The following SPATS2 variants were observed in gnomAD, a reference collection of about 807,000 sequenced individuals.
The protein encoded by SPATS2 is spermatogenesis associated serine rich 2, also known as spermatogenesis-associated serine-rich protein 2.
A neutral mutation model predicts 63.7 loss-of-function variants in SPATS2; 38 were observed. The observed-to-expected ratio is 0.60, with a 90% CI of 0.46 to 0.78. The LOEUF is 0.78. Ranked by LOEUF, SPATS2 falls within the 30% of genes least tolerant of loss-of-function variation. The pLI, the probability that SPATS2 is intolerant of heterozygous loss-of-function variation, is 0.00. For synonymous variants in SPATS2, 207 were observed against 232.9 expected, an observed-to-expected ratio of 0.89 and a Z score of 1.01; for missense variants, 588 against 666.2, an observed-to-expected ratio of 0.88 and a Z score of 1.29.
chr12:49,488,084 G>A (rs1419543355), intron 4 of SPATS2, among the ~76,000 whole-genome samples: 1 of 150,024 alleles, frequency 6.7e-6, no homozygotes, highest in Admixed American at 6.6e-5. Flanking sequence ...CGCTCTTGCT[G>A]CCCAGGCTGC....
intron 3 of SPATS2, among the ~76,000 whole-genome samples, chr12:49,481,464 T>A (rs1191788765): frequency 7.0e-6 from 1 of 141,966 alleles, no homozygotes; most frequent in Non-Finnish European, 1.5e-5. Flanking sequence ...CCTCATTTTT[T>A]TTTTTTTTTT....
chr12:49,437,593 A>G (rs370368142), intron 2 of SPATS2, among the ~76,000 whole-genome samples: 21 of 151,386 alleles, frequency 1.4e-4, no homozygotes, highest in African/African-American at 3.7e-4. Context: ...TCGGGAGGCC[A>G]AGGCTGGCGG....
intron 1 of SPATS2, among the ~76,000 whole-genome samples, chr12:49,370,541 TTCTGGGA>T (rs1471903715): frequency 6.6e-6 from 1 of 152,228 alleles, no homozygotes; most frequent in Non-Finnish European, 1.5e-5. Flanking sequence ...ATCCCTTCTT[TTCTGGGA>T]TCTTCACTTT....
In SPATS2 at chr12:49,519,305, C is replaced by G. The variant is rs145658224; in HGVS notation, c.1008+123C>G. 7.4e-4 allele frequency: 526 copies of G among 712,066 alleles called. 2 individuals carry two copies. The African/African-American group carries it at 8.0e-3, about 11-fold the overall frequency. 44.1% of individuals were successfully genotyped at this position (712,066 alleles called of 1,614,324 possible). On this transcript the variant is annotated intron_variant, in intron 11 of 13. Coordinates refer to ENST00000552918, the MANE Select transcript of SPATS2 (RefSeq NM_023071.4). ...TGATCTTCCTTTCCCAAACCTGGCC[C>G]TCTTCCAAGTCCCTTTCTCTGTAAG...
At chr12:49,430,806 T>G (rs1171920993) in intron 2 of SPATS2, among the ~76,000 whole-genome samples, 1 of 152,062 alleles carries the variant, frequency 6.6e-6, no homozygotes, top group African/African-American at 2.4e-5. Context: ...GTTCAAGCAA[T>G]TCTCCTGCCT....
chr12:49,387,804 G>T (rs1204166076), intron 2 of SPATS2, among the ~76,000 whole-genome samples: 1 of 152,020 alleles, frequency 6.6e-6, no homozygotes, highest in Non-Finnish European at 1.5e-5. Context: ...TGGGGAGGGA[G>T]CAGGGGCGTT....
intron 3 of SPATS2, chr12:49,463,534 T>TTTC (rs1306142674): frequency 6.6e-6 from 1 of 152,250 alleles, no homozygotes; most frequent in Non-Finnish European, 1.5e-5. Flanking sequence ...TTGTTGGGAC[T>TTTC]TTCTCTGAAA....
At chr12:49,412,053 C>T (rs1215094543) in intron 2 of SPATS2, among the ~76,000 whole-genome samples, 2 of 151,938 alleles carry the variant, frequency 1.3e-5, no homozygotes, top group Admixed American at 1.3e-4. Context: ...TTAAAGATGA[C>T]GAGGCCTTAG....
intron 2 of SPATS2, among the ~76,000 whole-genome samples, chr12:49,382,221 AT>A (rs1336337204): frequency 1.3e-5 from 2 of 152,240 alleles, no homozygotes; most frequent in African/African-American, 4.8e-5. Context: ...AGCCATTAAA[AT>A]CTGTTACATC....
At chr12:49,439,698 G>A (rs942815799) in intron 2 of SPATS2, among the ~76,000 whole-genome samples, 1 of 152,158 alleles carries the variant, frequency 6.6e-6, no homozygotes, top group Admixed American at 6.5e-5. Context: ...TTCAGGTTTG[G>A]AGACATTCAG....
intron 2 of SPATS2, among the ~76,000 whole-genome samples, chr12:49,414,222 G>C (rs1329243031): frequency 6.6e-6 from 1 of 152,080 alleles, no homozygotes; most frequent in Admixed American, 6.6e-5. Flanking sequence ...TATGGGAAGG[G>C]AGTTTTAATG....
chr12:49,465,642 G>A (rs1022253117), intron 3 of SPATS2, among the ~76,000 whole-genome samples: 3 of 152,020 alleles, frequency 2.0e-5, no homozygotes, highest in African/African-American at 7.3e-5. Flanking sequence ...TCCATGGCTT[G>A]TCTTCTACTT....
chr12:49,503,320 A>C (rs1946598371), intron 9 of SPATS2, among the ~76,000 whole-genome samples: 1 of 151,588 alleles, frequency 6.6e-6, no homozygotes, highest in Admixed American at 6.6e-5. Flanking sequence ...ATTGCACTCC[A>C]GCCTGGGCGA....
chr12:49,386,675 G>A (rs1357377873), intron 2 of SPATS2, among the ~76,000 whole-genome samples: 2 of 152,186 alleles, frequency 1.3e-5, no homozygotes, highest in Non-Finnish European at 2.9e-5. Context: ...ACCGGGTAAG[G>A]AGGGGAGGAC....
At chr12:49,374,613 G>A (rs909980094) in intron 2 of SPATS2, among the ~76,000 whole-genome samples, 2 of 152,064 alleles carry the variant, frequency 1.3e-5, no homozygotes, top group African/African-American at 4.8e-5. Flanking sequence ...GGATATAGAT[G>A]TTACTTAAAG....
At chr12:49,518,929 C>A in intron 10 of SPATS2, 144 bp from the exon 11 acceptor site, 1 of 522,298 alleles carries the variant, frequency 1.9e-6, no homozygotes, top group Non-Finnish European at 3.2e-6. Flanking sequence ...AGGTAGAGAC[C>A]AGACTTTTGA....
chr12:49,523,885 G>T (rs1258664999), intron 12 of SPATS2, among the ~76,000 whole-genome samples: 1 of 151,936 alleles, frequency 6.6e-6, no homozygotes, highest in Admixed American at 6.6e-5. Context: ...TCAGGAGGCG[G>T]AGTTTGCAGT....
chr12:49,484,565 A>G (rs1395620505), intron 3 of SPATS2, 25 bp from the exon 4 acceptor site: 2 of 1,606,924 alleles, frequency 1.2e-6, no homozygotes, highest in East Asian at 4.5e-5. Flanking sequence ...ATCATGTTGA[A>G]TATATTTTTC....
At chr12:49,506,899 C>T (rs565945589) in intron 9 of SPATS2, among the ~76,000 whole-genome samples, 14 of 151,794 alleles carry the variant, frequency 9.2e-5, no homozygotes, top group Non-Finnish European at 1.8e-4. Context: ...CATTGTAAGC[C>T]GAGGAGCATC....
Sources: gnomAD v4.1 joint callset for allele counts (sites outside exome capture counted in the v4.1 genomes callset) on GRCh38, gnomAD v4.1.1 for gene constraint, MANE v1.5 for transcripts, NCBI Gene and HGNC (gene_info 2026-07-23, HGNC 2026-07-21) for gene names.